The following POGLUT3 variants were observed in gnomAD, a reference collection of about 807,000 sequenced individuals.
POGLUT3 encodes the protein KDEL (Lys-Asp-Glu-Leu) containing 2.
In POGLUT3, 48 loss-of-function variants were observed where a neutral mutation model predicts 54.3. The observed-to-expected ratio is 0.88, with a 90% CI of 0.70 to 1.12. The LOEUF is 1.12. Ranked by LOEUF, POGLUT3 falls within the 50% of genes most tolerant of loss-of-function variation. The pLI is 0.00. For synonymous variants in POGLUT3, 218 were observed against 237.4 expected, an observed-to-expected ratio of 0.92 and a Z score of 0.75; for missense variants, 629 against 618.7, an observed-to-expected ratio of 1.02 and a Z score of -0.18.
Position 108,482,233 on chromosome 11 carries a change from A to T in POGLUT3, c.685-11T>A, listed in dbSNP as rs777331281. ...ATCTGGGAGAAGGACCTAAATAAAC[A>T]TATAAACAAACATCAGTGCTGGGAA... On this transcript the variant is annotated splice_polypyrimidine_tract_variant and intron_variant, in intron 3 of 7. Transcript: ENST00000323468. 1 of 1,584,744 alleles carries T rather than the reference A, an allele frequency of 6.3e-7. No homozygotes were observed. The highest frequency in any genetic ancestry group is 1.1e-5 in the South Asian group (1 of 90,086).
chr11:108,479,533 A>C (rs1239971136), intron 5 of POGLUT3, 38 bp from the exon 6 acceptor site: 1 of 1,492,978 alleles, frequency 6.7e-7, no homozygotes, highest in East Asian at 2.3e-5. Context: ...AACTTTCAGT[A>C]GTCATTTGCT....
In POGLUT3 at chr11:108,472,201, G is replaced by C. The variant is rs951223671; in HGVS notation, c.*2626C>G. The C allele has an allele frequency of 2.0e-5, 3 of 151,948 alleles. No homozygotes were observed. Among genetic ancestry groups the C allele is most frequent in the Admixed American group, 1.3e-4 (2 of 15,256 alleles). 9.4% of individuals were successfully genotyped at this position (151,948 alleles called of 1,614,324 possible). On this transcript the variant is annotated 3_prime_UTR_variant, in exon 8 of 8. Transcript: ENST00000323468. Reference sequence around the variant, plus strand: ...AAAGTTCTAAACATAGATTTAAAAAGAGCAAAATGGAAAAAATATAAATAT... The same window carrying C: ...AAAGTTCTAAACATAGATTTAAAAACAGCAAAATGGAAAAAATATAAATAT...
intron 3 of POGLUT3, among the ~76,000 whole-genome samples, chr11:108,485,666 T>TTATG (rs2093601952): frequency 6.6e-6 from 1 of 151,338 alleles, no homozygotes; most frequent in African/African-American, 2.4e-5. Flanking sequence ...ATTTATTTAT[T>TTATG]TATTTATTTG....
intron 7 of POGLUT3, among the ~76,000 whole-genome samples, chr11:108,476,208 A>G (rs375273780): frequency 6.5e-4 from 99 of 152,288 alleles, no homozygotes; most frequent in African/African-American, 2.2e-3. Flanking sequence ...ATCTAGGCTC[A>G]CTGCAACCTC....
chr11:108,486,154 T>C lies in POGLUT3; in HGVS notation c.684+3A>G, dbSNP rs944373752. The C allele has an allele frequency of 6.3e-7, 1 of 1,595,216 alleles. No individual in the cohort carries two copies. Among genetic ancestry groups the C allele is most frequent in the African/African-American group, 1.3e-5 (1 of 74,562 alleles). ...TGTATTATCAATTCATTCATTCTCCTACCTTTCTTGTCAATGATAACAAAA... is the reference window on the plus strand; with the variant it reads ...TGTATTATCAATTCATTCATTCTCCCACCTTTCTTGTCAATGATAACAAAA... On this transcript the variant is annotated splice_donor_region_variant and intron_variant, in intron 3 of 7. Coordinates refer to ENST00000323468, the MANE Select transcript of POGLUT3 (RefSeq NM_153705.5).
chr11:108,493,021 G>T (rs2093615901), intron 1 of POGLUT3, among the ~76,000 whole-genome samples: 1 of 152,022 alleles, frequency 6.6e-6, no homozygotes, highest in African/African-American at 2.4e-5. Flanking sequence ...CTTATTTCCT[G>T]ATCAAACAGT....
At chr11:108,495,495 T>G (rs767669162) in intron 1 of POGLUT3, among the ~76,000 whole-genome samples, 1 of 152,156 alleles carries the variant, frequency 6.6e-6, no homozygotes, top group South Asian at 2.1e-4. Flanking sequence ...AGGGAAAGAC[T>G]TCAGGACTTG....
intron 3 of POGLUT3, among the ~76,000 whole-genome samples, chr11:108,483,239 A>C (rs2093596224): frequency 6.6e-6 from 1 of 152,240 alleles, no homozygotes; most frequent in South Asian, 2.1e-4. Context: ...CAGCTTGGCT[A>C]TAAGCCTCAT....
intron 1 of POGLUT3, among the ~76,000 whole-genome samples, chr11:108,495,581 GGAAGCCA>G (rs1488130018): frequency 6.6e-6 from 1 of 152,154 alleles, no homozygotes; most frequent in East Asian, 1.9e-4. Context: ...CTTTTTAACT[GGAAGCCA>G]GAAATCAAGA....
intron 1 of POGLUT3, among the ~76,000 whole-genome samples, chr11:108,493,559 AC>A (rs1259335272): frequency 6.6e-6 from 1 of 152,224 alleles, no homozygotes; most frequent in African/African-American, 2.4e-5. Flanking sequence ...TAATCCGAGC[AC>A]TTTGGTAGGC....
intron 3 of POGLUT3, among the ~76,000 whole-genome samples, chr11:108,483,078 G>C (rs1762087831): frequency 6.6e-6 from 1 of 152,146 alleles, no homozygotes; most frequent in African/African-American, 2.4e-5. Context: ...TCTCCACAAG[G>C]CTGCTCAGAT....
intron 2 of POGLUT3, 162 bp from the exon 3 acceptor site, chr11:108,486,602 T>C (rs2093603898): frequency 1.5e-6 from 1 of 684,264 alleles, no homozygotes; most frequent in Admixed American, 3.0e-5. Context: ...TCCTACACTT[T>C]TACTTTCCTT....
intron 3 of POGLUT3, among the ~76,000 whole-genome samples, chr11:108,483,780 T>G (rs2093597165): frequency 6.6e-6 from 1 of 152,182 alleles, no homozygotes; most frequent in Non-Finnish European, 1.5e-5. Context: ...GTGATTCTTG[T>G]GCCTCAGCCT....
chr11:108,488,635 T>A (rs1335202741), intron 2 of POGLUT3, among the ~76,000 whole-genome samples: 1 of 152,230 alleles, frequency 6.6e-6, no homozygotes, highest in Non-Finnish European at 1.5e-5. Context: ...GAGCAGAGCA[T>A]ATGATCAGTG....
Position 108,479,359 on chromosome 11 carries a change from T to A in POGLUT3, c.1235A>T (p.His412Leu). 6.2e-7 allele frequency: 1 copy of A among 1,612,758 alleles called. No homozygotes were observed. Among genetic ancestry groups the A allele is most frequent in the South Asian group, 1.1e-5 (1 of 90,722 alleles). Reference sequence around the variant, plus strand: ...CAGATTTCTTTTAATTGGAACATAATGCTTCCAAGGTTCTAGTGCCATGTA... The same window carrying A: ...CAGATTTCTTTTAATTGGAACATAAAGCTTCCAAGGTTCTAGTGCCATGTA... ...HFYMALEPWK[H>L]YVPIKRNLSD... Residue 412 changes from histidine to leucine, a missense_variant, in exon 6 of 8, where the codon CAT becomes CTT. Physicochemically the swap from His to Leu is moderately conservative, Grantham distance 99. Transcript: ENST00000323468.
At chr11:108,484,202 G>C (rs902688899) in intron 3 of POGLUT3, among the ~76,000 whole-genome samples, 1 of 152,064 alleles carries the variant, frequency 6.6e-6, no homozygotes, top group African/African-American at 2.4e-5. Context: ...CCTCTGAGGG[G>C]CAAAATCATC....
chr11:108,497,250 A>G (rs1261565271), intron 1 of POGLUT3, among the ~76,000 whole-genome samples: 1 of 152,238 alleles, frequency 6.6e-6, no homozygotes, highest in Non-Finnish European at 1.5e-5. Flanking sequence ...AAATCATTAA[A>G]TCTAAAAGTG....
chr11:108,498,140 A>C (rs781522810), intron 1 of POGLUT3, 25 bp downstream of exon 1: 3 of 1,490,490 alleles, frequency 2.0e-6, no homozygotes, highest in Non-Finnish European at 2.7e-6. Context: ...CCGCGGGACG[A>C]GGGAGGCCGG....
chr11:108,489,579 A>C (rs7947933), intron 2 of POGLUT3, among the ~76,000 whole-genome samples: 23,618 of 152,136 alleles, frequency 0.16, 1,999 homozygotes, highest in African/African-American at 0.18. Flanking sequence ...CAAAAGAAAA[A>C]AAACCCATCA....
Sources: allele counts gnomAD v4.1 joint callset (sites outside exome capture counted in the v4.1 genomes callset), GRCh38; gene constraint gnomAD v4.1.1; transcripts MANE v1.5; gene names NCBI Gene and HGNC (gene_info 2026-07-23, HGNC 2026-07-21).